Variants in NFASC observed in about 807,000 individuals in gnomAD.
NFASC encodes the protein neurofascin, also known as neurofascin homolog.
A neutral mutation model predicts 147.5 loss-of-function variants in NFASC; 43 were observed. The observed-to-expected ratio is 0.29, with a 90% CI of 0.23 to 0.38. NFASC has a LOEUF of 0.38. Ranked by LOEUF, NFASC falls within the 10% of genes least tolerant of loss-of-function variation. The pLI is 1.00. For synonymous variants in NFASC, 622 were observed against 665.5 expected, an observed-to-expected ratio of 0.93 and a Z score of 1.01; for missense variants, 1,320 against 1,689.0, an observed-to-expected ratio of 0.78 and a Z score of 3.83.
At chr1:204,947,150 C>A in intron 3 of NFASC, 1 of 280,052 alleles carries the variant, frequency 3.6e-6, no homozygotes, top group South Asian at 3.6e-5. Context: ...GTCCTCAAGA[C>A]CCATGGGCTT....
intron 24 of NFASC, among the ~76,000 whole-genome samples, chr1:204,996,049 CA>C (rs2095840220): frequency 6.6e-6 from 1 of 152,080 alleles, no homozygotes; most frequent in South Asian, 2.1e-4. Flanking sequence ...GCCTCATTCT[CA>C]TACTCTCAGC....
Position 204,941,384 on chromosome 1 carries a change from T to C in NFASC, c.-90-2842T>C, listed in dbSNP as rs114014745. On this transcript the variant is annotated intron_variant, in intron 2 of 29. Transcript: ENST00000339876. ...TAAATAGTGAATTTAAAATATCCCA[T>C]ACAATTGGGCTTTTTTTTCTTGCCA... Among the ~76,000 whole-genome samples, 734 of 152,378 alleles carry C rather than the reference T, an allele frequency of 4.8e-3. 2 individuals are homozygous for C. The highest frequency in any genetic ancestry group is 0.016 in the African/African-American group (686 of 41,588).
chr1:204,957,043 T>C (rs1460231677), intron 7 of NFASC, among the ~76,000 whole-genome samples: 1 of 152,256 alleles, frequency 6.6e-6, no homozygotes, highest in Non-Finnish European at 1.5e-5. Flanking sequence ...ATGTACATCA[T>C]TGATTGGTAT....
chr1:204,886,184 G>T (rs1443338695), intron 1 of NFASC, among the ~76,000 whole-genome samples: 1 of 152,112 alleles, frequency 6.6e-6, no homozygotes, highest in Non-Finnish European at 1.5e-5. Context: ...AACTGACTCA[G>T]CAGTCGGTTC....
At chr1:204,898,461 G>A (rs1354744196) in intron 1 of NFASC, among the ~76,000 whole-genome samples, 1 of 152,162 alleles carries the variant, frequency 6.6e-6, no homozygotes, top group East Asian at 1.9e-4. Flanking sequence ...CTTTTTATCT[G>A]AAAGAATGAA....
chr1:204,832,568 C>A (rs769779924), intron 1 of NFASC, among the ~76,000 whole-genome samples: 1 of 152,100 alleles, frequency 6.6e-6, no homozygotes, highest in Non-Finnish European at 1.5e-5. Context: ...ATATCCATAG[C>A]CGAAGTGGGA....
chr1:204,995,590 G>T (rs556946280), intron 24 of NFASC, among the ~76,000 whole-genome samples: 1 of 152,088 alleles, frequency 6.6e-6, no homozygotes, highest in Non-Finnish European at 1.5e-5. Context: ...CCTCTGGAAC[G>T]TATGGGGCAT....
chr1:204,850,560 G>A (rs1054051399), intron 1 of NFASC, among the ~76,000 whole-genome samples: 2 of 152,174 alleles, frequency 1.3e-5, no homozygotes, highest in African/African-American at 4.8e-5. Flanking sequence ...GGGCACAGAC[G>A]TCCCCCTTGC....
chr1:204,845,916 C>T (rs902010255), intron 1 of NFASC, among the ~76,000 whole-genome samples: 1 of 152,018 alleles, frequency 6.6e-6, no homozygotes, highest in Non-Finnish European at 1.5e-5. Context: ...TCCCAATAAG[C>T]TCATGAGGTT....
Position 204,828,762 on chromosome 1 carries a change from C to T in NFASC, c.-220C>T. The T allele has an allele frequency of 4.1e-6, 4 of 985,466 alleles. No individual in the cohort carries two copies. The highest frequency in any genetic ancestry group is 4.8e-6 in the Non-Finnish European group (4 of 830,058). The allele number at this position is 985,466 out of a possible 1,614,324, so 61.0% of individuals were successfully genotyped here. ...CGGACAGCTCGGACAGCGCCCAGGG[C>T]CGGAGCCCGAGCCCTTGGAGGTAGG... On this transcript the variant is annotated 5_prime_UTR_variant, in exon 1 of 30. Transcript: ENST00000339876.
At chr1:204,995,957 G>A (rs759221744) in intron 24 of NFASC, among the ~76,000 whole-genome samples, 18 of 152,028 alleles carry the variant, frequency 1.2e-4, no homozygotes, top group Non-Finnish European at 1.9e-4. Flanking sequence ...CCCCATTAGC[G>A]TCAACACTAG....
intron 3 of NFASC, chr1:204,948,646 C>T: frequency 1.9e-6 from 1 of 519,072 alleles, no homozygotes; most frequent in South Asian, 1.4e-5. Flanking sequence ...CTCCTTCTAG[C>T]TCTGCAGCAA....
rs184503324 is a variant in NFASC at position 204,975,289 on chromosome 1, G to A, written c.1577G>A (p.Arg526Gln). ...TCCACAGACCCCACCAGGATCTACC[G>A]GATGCCCGAGGACCAGGTGGCCAGA... The part of the protein sequence containing the change: ...LEVKDPTRIY[R>Q]MPEDQVARRG... Residue 526 changes from arginine to glutamine, a missense_variant, in exon 15 of 30, where the codon CGG becomes CAG. Arg to Gln is a conservative substitution (Grantham distance 43). Around this residue, in one of 3 missense-constraint regions of NFASC, gnomAD observed 981 missense variants for 1,289.5 expected, o/e 0.76. Coordinates refer to ENST00000339876, the MANE Select transcript of NFASC (RefSeq NM_001005388.3). The surrounding 1 kb of genome is among the most constrained non-coding windows in gnomAD (Gnocchi z 4.0). 376 of 1,613,154 alleles carry A rather than the reference G, an allele frequency of 2.3e-4. 1 individual carries two copies. Among genetic ancestry groups the A allele is most frequent in the Middle Eastern group, 1.4e-3 (8 of 5,922 alleles).
intron 1 of NFASC, among the ~76,000 whole-genome samples, chr1:204,882,383 T>C (rs1222194868): frequency 6.6e-6 from 1 of 152,218 alleles, no homozygotes; most frequent in East Asian, 1.9e-4. Flanking sequence ...CAGCCAGCTC[T>C]AGCCTTGGGG....
chr1:204,833,756 G>A (rs1303828529), intron 1 of NFASC, among the ~76,000 whole-genome samples: 1 of 152,238 alleles, frequency 6.6e-6, no homozygotes. Context: ...GGATTAGGTT[G>A]TTGGAGTCAT....
intron 17 of NFASC, among the ~76,000 whole-genome samples, chr1:204,978,532 C>T (rs564041472): frequency 3.8e-4 from 58 of 152,298 alleles, no homozygotes; most frequent in Middle Eastern, 3.4e-3. Context: ...CTCCTCAGAG[C>T]CTTGGCACAC....
intron 1 of NFASC, chr1:204,871,174 A>C: frequency 9.2e-7 from 1 of 1,086,794 alleles, no homozygotes; most frequent in Non-Finnish European, 1.2e-6. Flanking sequence ...AGGATTGTGC[A>C]TACTTTCCCA....
intron 1 of NFASC, among the ~76,000 whole-genome samples, chr1:204,850,608 A>C (rs1377328748): frequency 6.6e-6 from 1 of 152,098 alleles, no homozygotes. Context: ...ACGAGATCTG[A>C]TGGTTTAAAA....
At chr1:204,875,618 T>C (rs1375742450) in intron 1 of NFASC, among the ~76,000 whole-genome samples, 1 of 152,090 alleles carries the variant, frequency 6.6e-6, no homozygotes, top group Non-Finnish European at 1.5e-5. Flanking sequence ...TCCAATGAGA[T>C]TGCTTGGATC....
Sources: gnomAD v4.1 joint callset for allele counts (sites outside exome capture counted in the v4.1 genomes callset) on GRCh38, gnomAD v4.1.1 for gene constraint, gnomAD v4.1.1 regional missense constraint, Gnocchi (gnomAD v3.1) non-coding constraint, MANE v1.5 for transcripts, NCBI Gene and HGNC (gene_info 2026-07-23, HGNC 2026-07-21) for gene names.